The following ALB variants were observed in gnomAD, a reference collection of about 807,000 sequenced individuals.
The protein encoded by ALB is serum albumin.
ALB carries 37 observed loss-of-function variants against 74.5 expected under a neutral mutation model. The observed-to-expected ratio is 0.50, with a 90% CI of 0.38 to 0.65. ALB has a LOEUF of 0.65. ALB is among the 30% of genes least tolerant of loss of function. The pLI is 0.00. For synonymous variants in ALB, 249 were observed against 251.6 expected (o/e 0.99, Z 0.10); for missense variants, 685 against 718.7 (o/e 0.95, Z 0.54).
intron 3 of ALB, among the ~76,000 whole-genome samples, chr4:73,408,178 T>C (rs1718780553): frequency 6.6e-6 from 1 of 152,178 alleles, no homozygotes; most frequent in Non-Finnish European, 1.5e-5. Context: ...TACTAAAACA[T>C]GGCCCTCTAA....
At chr4:73,404,660 T>G (rs1260712473) in intron 1 of ALB, among the ~76,000 whole-genome samples, 3 of 152,054 alleles carry the variant, frequency 2.0e-5, no homozygotes, top group African/African-American at 7.2e-5. Context: ...CAAAGTAACT[T>G]AGAGTGACTG....
Position 73,418,256 on chromosome 4 carries a change from T to C in ALB, c.1597T>C (p.Phe533Leu), listed in dbSNP as rs538903199. Residue 533 changes from phenylalanine (F) to leucine (L), a missense_variant, in exon 12 of 15, where the codon TTC becomes CTC. Physicochemically the swap from Phe to Leu is conservative, Grantham distance 22. Transcript: ENST00000295897. ...AGAGTTTAATGCTGAAACATTCACC[T>C]TCCATGCAGATATATGCACACTTTC... is the stretch of plus-strand genomic sequence containing the variant. ...PKEFNAETFTFHADICTLSEK... is the reference protein window; with the variant it reads ...PKEFNAETFTLHADICTLSEK... The C allele has an allele frequency of 5.6e-5, 90 of 1,614,138 alleles. 1 individual carries two copies. The South Asian group carries it at 9.2e-4, about 17-fold the overall frequency.
intron 5 of ALB, 134 bp downstream of exon 5, chr4:73,409,621 T>C: frequency 1.9e-6 from 2 of 1,077,348 alleles, no homozygotes; most frequent in Non-Finnish European, 2.7e-6. Context: ...CTTTTATCTG[T>C]CTTGAAAATC....
chr4:73,414,861 A>G (rs998159933), intron 8 of ALB, among the ~76,000 whole-genome samples, 174 bp from the exon 9 acceptor site: 3 of 152,176 alleles, frequency 2.0e-5, no homozygotes, highest in Admixed American at 6.5e-5. Context: ...AGAGCTAGGA[A>G]TTGAGCCTTG....
At chr4:73,417,426 G>A in intron 10 of ALB, 105 bp from the exon 11 acceptor site, 3 of 1,392,214 alleles carry the variant, frequency 2.2e-6, no homozygotes, top group Non-Finnish European at 2.0e-6. Flanking sequence ...ATGATGAATG[G>A]AACATAGCAA....
intron 3 of ALB, among the ~76,000 whole-genome samples, chr4:73,408,198 A>T (rs1477323385): frequency 6.6e-6 from 1 of 152,202 alleles, no homozygotes; most frequent in Non-Finnish European, 1.5e-5. Context: ...AAAAGGGGGC[A>T]AATGAAATGA....
Position 73,409,437 on chromosome 4 carries a change from T to C in ALB, c.565T>C (p.Phe189Leu). 6.2e-7 allele frequency: 1 copy of C among 1,614,010 alleles called. No individual in the cohort carries two copies. The stretch of plus-strand genomic sequence containing the variant: ...CTTTGCTAAAAGGTATAAAGCTGCT[T>C]TTACAGAATGTTGCCAAGCTGCTGA... ...LFFAKRYKAA[F>L]TECCQAADKA... is the part of the protein sequence containing the mutation. Residue 189 changes from phenylalanine to leucine, a missense_variant, in exon 5 of 15, where the codon TTT (phenylalanine) becomes CTT (leucine). Coordinates refer to ENST00000295897, the MANE Select transcript of ALB (RefSeq NM_000477.7).
At chr4:73,414,089 A>C (rs1718950852) in intron 8 of ALB, among the ~76,000 whole-genome samples, 2 of 152,216 alleles carry the variant, frequency 1.3e-5, no homozygotes, top group Admixed American at 6.5e-5. Context: ...GGTGCTTTAT[A>C]TTTGGTGAAA....
At chr4:73,411,081 C>A (rs1272065721) in intron 6 of ALB, among the ~76,000 whole-genome samples, 1 of 152,086 alleles carries the variant, frequency 6.6e-6, no homozygotes, top group Non-Finnish European at 1.5e-5. Flanking sequence ...CTAGCTGCCC[C>A]GTCACCCACA....
At chr4:73,417,872 G>A (rs532232692) in intron 11 of ALB, 23 of 683,364 alleles carry the variant, frequency 3.4e-5, no homozygotes, top group South Asian at 1.0e-4. Context: ...TTTTTGAGAC[G>A]GAGTCTCGCT....
rs1353617000 is a variant in ALB at position 73,414,977 on chromosome 4, G to A, written c.1059-58G>A. 2.5e-5 allele frequency: 40 copies of A among 1,589,744 alleles called. No individual in the cohort carries two copies. The South Asian group carries it at 4.1e-4, about 16-fold the overall frequency. ...ATGAGTTACTTTTGAGATTAGCTTT[G>A]TGATATTTTTTGTGCTCATTTGTCC... On this transcript the variant is annotated intron_variant, in intron 8 of 14. Coordinates refer to ENST00000295897, the MANE Select transcript of ALB (RefSeq NM_000477.7).
At chr4:73,405,593 A>AT (rs577963316) in intron 2 of ALB, among the ~76,000 whole-genome samples, 258 of 143,016 alleles carry the variant, frequency 1.8e-3, no homozygotes, top group South Asian at 0.011. Flanking sequence ...GGAATATTTA[A>AT]TTTTTTTTTT....
At chr4:73,416,420 C>A in intron 10 of ALB, 67 bp downstream of exon 10, 1 of 1,122,092 alleles carries the variant, frequency 8.9e-7, no homozygotes, top group Non-Finnish European at 1.3e-6. Flanking sequence ...ATATATGAGC[C>A]ACCTAGCATA....
At chr4:73,415,796 A>G (rs998230038) in intron 9 of ALB, among the ~76,000 whole-genome samples, 1 of 152,178 alleles carries the variant, frequency 6.6e-6, no homozygotes, top group South Asian at 2.1e-4. Flanking sequence ...AGAGCCTGGA[A>G]TCTAACTGGA....
chr4:73,419,662 A>G (rs1473352695), intron 13 of ALB, 23 bp downstream of exon 13: 1 of 1,613,200 alleles, frequency 6.2e-7, no homozygotes, highest in Non-Finnish European at 8.5e-7. Flanking sequence ...TCTTCATTTT[A>G]ATATGTCCAG....
Position 73,405,117 on chromosome 4 carries a change from C to T in ALB, c.81C>T (p.His27=), listed in dbSNP as rs76285851. 1.2e-6 allele frequency: 2 copies of T among 1,613,454 alleles called. No individual in the cohort carries two copies. The highest frequency in any genetic ancestry group is 1.7e-6 in the Non-Finnish European group (2 of 1,179,672). The change falls in exon 2 of 15, where the codon CAC becomes CAT. Residue 27 remains histidine (H), a splice_region_variant and synonymous_variant. Coordinates refer to ENST00000295897, the MANE Select transcript of ALB (RefSeq NM_000477.7). The part of the protein sequence containing the change: ...YSRGVFRRDA[H]KSEVAHRFKD... ...CCTTTTTTTTCTTCCCTTGCCCAGA[C>T]AAGAGTGAGGTTGCTCATCGGTTTA...
chr4:73,406,869 T>C (rs1718743830), intron 3 of ALB, 108 bp downstream of exon 3: 1 of 1,328,092 alleles, frequency 7.5e-7, no homozygotes. Context: ...TGTCCTGATT[T>C]GTAAGAAACA....
chr4:73,409,925 A>G (rs1342885291), intron 5 of ALB, among the ~76,000 whole-genome samples: 2 of 151,932 alleles, frequency 1.3e-5, no homozygotes, highest in African/African-American at 4.8e-5. Flanking sequence ...GGAATGCTTT[A>G]TTTTCTTTTC....
chr4:73,409,211 C>T, intron 4 of ALB, 144 bp from the exon 5 acceptor site: 1 of 847,424 alleles, frequency 1.2e-6, no homozygotes, highest in Non-Finnish European at 1.9e-6. Context: ...ATGACAGAGA[C>T]AAGACCATCA....
Sources: gnomAD v4.1 joint callset for allele counts (sites outside exome capture counted in the v4.1 genomes callset) on GRCh38, gnomAD v4.1.1 for gene constraint, MANE v1.5 for transcripts, NCBI Gene and HGNC (gene_info 2026-07-23, HGNC 2026-07-21) for gene names.